The following PDE4B variants were observed in gnomAD, a reference collection of about 807,000 sequenced individuals.
PDE4B encodes the protein phosphodiesterase 4B.
In PDE4B, 20 loss-of-function variants were observed where a neutral mutation model predicts 82.2. The observed-to-expected ratio is 0.24, with a 90% CI of 0.17 to 0.35. PDE4B has a LOEUF of 0.35. Among genes scored for constraint, PDE4B ranks in the 10% least tolerant of loss-of-function variants. The pLI is 1.00. For synonymous variants in PDE4B, 320 were observed against 318.9 expected, an observed-to-expected ratio of 1.00 and a Z score of -0.04; for missense variants, 655 against 907.2, an observed-to-expected ratio of 0.72 and a Z score of 3.57.
chr1:66,083,755 C>G (rs1265612155), intron 3 of PDE4B, among the ~76,000 whole-genome samples: 2 of 152,156 alleles, frequency 1.3e-5, no homozygotes, highest in Non-Finnish European at 2.9e-5. Context: ...TGGAAAATCA[C>G]TAACTCTTTG....
At chr1:66,367,309 A>G (rs560405217) in intron 13 of PDE4B, among the ~76,000 whole-genome samples, 26 of 152,348 alleles carry the variant, frequency 1.7e-4, no homozygotes, top group Non-Finnish European at 3.1e-4. Context: ...GTCTCAATAC[A>G]ATTCATAAAG....
chr1:65,962,023 G>A (rs987408860), intron 3 of PDE4B, among the ~76,000 whole-genome samples: 1 of 152,106 alleles, frequency 6.6e-6, no homozygotes, highest in Non-Finnish European at 1.5e-5. Flanking sequence ...ATTGTTAGTC[G>A]AAAATGCACT....
intron 1 of PDE4B, among the ~76,000 whole-genome samples, chr1:65,902,840 A>C (rs1322756875): frequency 6.6e-6 from 1 of 152,206 alleles, no homozygotes; most frequent in Non-Finnish European, 1.5e-5. Context: ...TCCAATATAT[A>C]AATAAGCTTT....
At chr1:65,860,379 TC>T (rs1646440618) in intron 1 of PDE4B, among the ~76,000 whole-genome samples, 1 of 152,212 alleles carries the variant, frequency 6.6e-6, no homozygotes, top group Non-Finnish European at 1.5e-5. Flanking sequence ...CATGAACTCA[TC>T]CTTTTTTATG....
chr1:65,814,441 T>C (rs1304621604), intron 1 of PDE4B, among the ~76,000 whole-genome samples: 2 of 152,222 alleles, frequency 1.3e-5, no homozygotes, highest in Non-Finnish European at 2.9e-5. Context: ...AATGCTTTTT[T>C]TTAAAAGAAA....
chr1:66,050,128 A>T (rs1018202609), intron 3 of PDE4B, among the ~76,000 whole-genome samples: 5 of 152,118 alleles, frequency 3.3e-5, no homozygotes, highest in African/African-American at 1.2e-4. Context: ...AGAATACAGG[A>T]TATACACTGT....
At chr1:66,349,228 C>T (rs1194177894) in intron 8 of PDE4B, among the ~76,000 whole-genome samples, 1 of 152,152 alleles carries the variant, frequency 6.6e-6, no homozygotes, top group Non-Finnish European at 1.5e-5. Flanking sequence ...TTTAATATGT[C>T]ACTTGAGCAG....
intron 1 of PDE4B, among the ~76,000 whole-genome samples, chr1:65,849,433 G>A (rs1412580534): frequency 1.1e-4 from 16 of 152,180 alleles, no homozygotes; most frequent in Admixed American, 1.0e-3. Flanking sequence ...GAGGTGCCAG[G>A]CTAGCAGTAC....
chr1:66,181,173 C>G (rs1647056150), intron 3 of PDE4B, among the ~76,000 whole-genome samples: 1 of 152,098 alleles, frequency 6.6e-6, no homozygotes. Flanking sequence ...AAATAATGTA[C>G]AAGATATTTG....
chr1:65,854,349 C>T (rs1646368174), intron 1 of PDE4B, among the ~76,000 whole-genome samples: 1 of 151,396 alleles, frequency 6.6e-6, no homozygotes, highest in Non-Finnish European at 1.5e-5. Context: ...GCTCTTCATT[C>T]TTTTTTTGTG....
chr1:66,019,866 A>T lies in PDE4B; in HGVS notation c.281+101031A>T, dbSNP rs1282785103. The stretch of plus-strand genomic sequence containing the variant: ...TTGAGGAACTAGTTGAGTAGACAAT[A>T]CTCTCAGAGAGCTACAGGAACTAAA... On this transcript the variant is annotated intron_variant, in intron 3 of 16. Coordinates refer to ENST00000341517, the MANE Select transcript of PDE4B (RefSeq NM_002600.4). 2.6e-5 allele frequency among the ~76,000 whole-genome samples: 4 copies of T among 152,122 alleles called. No individual in the cohort carries two copies. The East Asian group carries it at 7.7e-4, about 29-fold the overall frequency.
chr1:66,065,568 C>T (rs958260699), intron 3 of PDE4B, among the ~76,000 whole-genome samples: 1 of 151,538 alleles, frequency 6.6e-6, no homozygotes, highest in African/African-American at 2.4e-5. Flanking sequence ...AATGCGGGAA[C>T]TGTATTGTAC....
intron 1 of PDE4B, among the ~76,000 whole-genome samples, chr1:65,825,238 C>T (rs1390711475): frequency 6.6e-6 from 1 of 151,974 alleles, no homozygotes; most frequent in Non-Finnish European, 1.5e-5. Flanking sequence ...TCCCCTTTTT[C>T]AATTGTGGAC....
chr1:65,962,942 G>A (rs533559186), intron 3 of PDE4B, among the ~76,000 whole-genome samples: 13 of 152,260 alleles, frequency 8.5e-5, no homozygotes, highest in African/African-American at 3.1e-4. Context: ...GGGCTAGGAA[G>A]TATTTAACAA....
intron 3 of PDE4B, among the ~76,000 whole-genome samples, chr1:66,002,733 T>A (rs1002624617): frequency 6.6e-6 from 1 of 152,078 alleles, no homozygotes; most frequent in Non-Finnish European, 1.5e-5. Flanking sequence ...GAATGCTAGG[T>A]TGGGTATCAG....
chr1:66,229,416 A>G (rs1327898473), intron 3 of PDE4B, among the ~76,000 whole-genome samples: 1 of 152,206 alleles, frequency 6.6e-6, no homozygotes, highest in East Asian at 1.9e-4. Flanking sequence ...TAAGGCAGCC[A>G]CTTCAGTGTT....
chr1:66,065,911 T>C (rs1236231549), intron 3 of PDE4B, among the ~76,000 whole-genome samples: 1 of 151,776 alleles, frequency 6.6e-6, no homozygotes, highest in Non-Finnish European at 1.5e-5. Flanking sequence ...GGTGCTAGGG[T>C]TTTACTTTTA....
At chr1:66,039,994 G>A (rs1347234481) in intron 3 of PDE4B, among the ~76,000 whole-genome samples, 6 of 152,012 alleles carry the variant, frequency 3.9e-5, no homozygotes, top group Admixed American at 6.6e-5. Flanking sequence ...ATAATTGAGA[G>A]GAAGGAGCCG....
At chr1:66,073,155 C>T (rs931944391) in intron 3 of PDE4B, among the ~76,000 whole-genome samples, 2 of 152,020 alleles carry the variant, frequency 1.3e-5, no homozygotes, top group Non-Finnish European at 2.9e-5. Flanking sequence ...TTGTGTCCTG[C>T]TGTGTCTGCT....
Sources: gnomAD v4.1 joint callset for allele counts (sites outside exome capture counted in the v4.1 genomes callset) on GRCh38, gnomAD v4.1.1 for gene constraint, MANE v1.5 for transcripts, NCBI Gene and HGNC (gene_info 2026-07-23, HGNC 2026-07-21) for gene names.